UNC13A: variants seen among roughly 807,000 people sequenced by gnomAD.
The protein encoded by UNC13A is unc-13 homolog A, also known as protein unc-13 homolog A.
In UNC13A, 61 loss-of-function variants were observed where a neutral mutation model predicts 219.7. That is an observed-to-expected ratio of 0.28 (90% confidence interval 0.23 to 0.34). UNC13A has a LOEUF of 0.34. UNC13A is among the 10% of genes least tolerant of loss of function. The pLI is 1.00. For synonymous variants in UNC13A, 920 were observed against 884.6 expected, an observed-to-expected ratio of 1.04 and a Z score of -0.71; for missense variants, 1,476 against 2,270.3, an observed-to-expected ratio of 0.65 and a Z score of 7.11.
In UNC13A at chr19:17,617,730, C is replaced by T. The variant is rs2076682874; in HGVS notation, c.4530G>A (p.Lys1510=). The change falls in exon 41 of 44, where the codon AAG becomes AAA. Residue 1510 remains lysine (K), a synonymous_variant. Coordinates refer to ENST00000519716, the MANE Select transcript of UNC13A (RefSeq NM_001080421.3). The part of the protein sequence containing the change: ...LYTQATDLLI[K]TFVQTQSAQG... ...GGGCCGATTGCGTCTGTACAAAGGT[C>T]TTGATTAGCAGGTCGGTGGCCTGCG... 14 of 1,613,970 alleles carry T rather than the reference C, an allele frequency of 8.7e-6. No individual in the cohort carries two copies. The highest frequency in any genetic ancestry group is 1.2e-5 in the Non-Finnish European group (14 of 1,179,868).
At chr19:17,618,300 C>A (rs1040397316) in intron 40 of UNC13A, 121 bp downstream of exon 40, 1 of 1,085,192 alleles carries the variant, frequency 9.2e-7, no homozygotes, top group East Asian at 2.6e-5. Flanking sequence ...GACAGGGGAA[C>A]GAGGGAGTGT....
rs537317565 is a variant in UNC13A at position 17,688,151 on chromosome 19, C to T, written c.22+27G>A. 27 of 1,526,434 alleles carry T rather than the reference C, an allele frequency of 1.8e-5. No homozygotes were observed. In the South Asian group the frequency reaches 2.1e-4, roughly 12 times the overall value. 94.6% of individuals were successfully genotyped at this position (1,526,434 alleles called of 1,614,324 possible). ...GACCCCAGCCCGCGTCCACACGGGT[C>T]CCCCGACCCCCAGCCTCGCCTCCTA... On this transcript the variant is annotated intron_variant, in intron 1 of 43. Transcript: ENST00000519716.
chr19:17,641,569 G>A lies in UNC13A; in HGVS notation c.2473-13C>T, dbSNP rs757237518. 1.9e-6 allele frequency: 3 copies of A among 1,613,734 alleles called. No individual in the cohort carries two copies. The highest frequency in any genetic ancestry group is 3.3e-5 in the Admixed American group (2 of 60,000). On this transcript the variant is annotated splice_polypyrimidine_tract_variant and intron_variant, in intron 20 of 43. Transcript: ENST00000519716. The stretch of plus-strand genomic sequence containing the variant: ...AGTGGAACAGGTTCTGCCACCATGG[G>A]AGAGAAAGTGTCATGGAGAGTGCAA...
At chr19:17,637,684 C>A (rs2145030330) in intron 25 of UNC13A, among the ~76,000 whole-genome samples, 1 of 152,182 alleles carries the variant, frequency 6.6e-6, no homozygotes, top group East Asian at 1.9e-4. Context: ...CTAATTTAAT[C>A]CAGTTCACCT....
At chr19:17,659,160 A>G (rs1453561466) in intron 8 of UNC13A, among the ~76,000 whole-genome samples, 6 of 152,210 alleles carry the variant, frequency 3.9e-5, no homozygotes, top group African/African-American at 1.4e-4. Flanking sequence ...AGTAAAGCAA[A>G]GGCCGGGCAC....
chr19:17,652,966 C>G (rs1473681107), intron 11 of UNC13A, among the ~76,000 whole-genome samples: 2 of 152,174 alleles, frequency 1.3e-5, no homozygotes, highest in African/African-American at 2.4e-5. Context: ...TTCATCTGCT[C>G]TCTTGCCTCG....
intron 28 of UNC13A, among the ~76,000 whole-genome samples, chr19:17,631,153 T>TCC: frequency 1.7e-5 from 1 of 58,148 alleles, no homozygotes; most frequent in Non-Finnish European, 3.6e-5. Context: ...AGCTCTTGTT[T>TCC]TCTCCCTCCC....
chr19:17,675,785 C>T (rs1056298401), intron 2 of UNC13A, among the ~76,000 whole-genome samples: 2 of 152,168 alleles, frequency 1.3e-5, no homozygotes, highest in African/African-American at 4.8e-5. Flanking sequence ...CCACCCCTTA[C>T]AGACTCTCCA....
At chr19:17,683,117 C>T (rs749397313) in intron 1 of UNC13A, among the ~76,000 whole-genome samples, 37 of 152,072 alleles carry the variant, frequency 2.4e-4, no homozygotes, top group Non-Finnish European at 4.4e-4. Context: ...GAACATCACT[C>T]CACAGAAGGG....
chr19:17,632,719 C>A lies in UNC13A; in HGVS notation c.3428+63G>T, dbSNP rs563448015. 87 of 1,610,242 alleles carry A rather than the reference C, an allele frequency of 5.4e-5. No individual in the cohort carries two copies. The African/African-American group carries it at 9.5e-4, about 18-fold the overall frequency. ...TAAGTAGGTCAGTCTTCCTCTCTGGCTTTCCTTCTAGCTGTCAGTGCTACA... is the reference window on the plus strand; with the variant it reads ...TAAGTAGGTCAGTCTTCCTCTCTGGATTTCCTTCTAGCTGTCAGTGCTACA... On this transcript the variant is annotated intron_variant, in intron 28 of 43. Transcript: ENST00000519716.
At chr19:17,608,075 C>G (rs1341391021) in intron 43 of UNC13A, among the ~76,000 whole-genome samples, 1 of 149,082 alleles carries the variant, frequency 6.7e-6, no homozygotes, top group Non-Finnish European at 1.5e-5. Context: ...TTTTTTGAGT[C>G]TCACTCTGTA....
chr19:17,646,469 C>G (rs944177206), intron 17 of UNC13A, among the ~76,000 whole-genome samples: 14 of 152,056 alleles, frequency 9.2e-5, no homozygotes, highest in African/African-American at 2.9e-4. Context: ...TTGGCCAGGT[C>G]GGTCTCGAAT....
chr19:17,617,719 T>C lies in UNC13A; in HGVS notation c.4541A>G (p.Gln1514Arg), dbSNP rs780077802. Residue 1514 changes from glutamine (Q) to arginine (R), a missense_variant, in exon 41 of 44, where the codon CAG (glutamine) becomes CGG (arginine). Gln to Arg is a conservative substitution (Grantham distance 43). Coordinates refer to ENST00000519716, the MANE Select transcript of UNC13A (RefSeq NM_001080421.3). ...ACCCTTACCCTGGGCCGATTGCGTCTGTACAAAGGTCTTGATTAGCAGGTC... is the reference window on the plus strand; with the variant it reads ...ACCCTTACCCTGGGCCGATTGCGTCCGTACAAAGGTCTTGATTAGCAGGTC... ...ATDLLIKTFV[Q>R]TQSAQGLGVE... 6 of 1,613,866 alleles carry C rather than the reference T, an allele frequency of 3.7e-6. No individual in the cohort carries two copies. Among genetic ancestry groups the C allele is most frequent in the East Asian group, 2.2e-5 (1 of 44,868 alleles).
chr19:17,688,328 C>T lies in UNC13A; in HGVS notation c.-129G>A, dbSNP rs2080155112. On this transcript the variant is annotated 5_prime_UTR_variant, in exon 1 of 44. Transcript: ENST00000519716. ...GCTCACGCCGGGGCCCGGCCGCCAC[C>T]GGCCATCTTGGTTCAGCACCGGGGG... is the stretch of plus-strand genomic sequence containing the variant. 30 of 1,308,646 alleles carry T rather than the reference C, an allele frequency of 2.3e-5. No individual in the cohort carries two copies. In the South Asian group the frequency reaches 5.2e-4, roughly 22 times the overall value. 81.1% of individuals were successfully genotyped at this position (1,308,646 alleles called of 1,614,324 possible). A position where few individuals can be genotyped will look rare whatever the true frequency, so the allele number is the denominator to read the frequency against.
chr19:17,686,547 G>T (rs1165080299), intron 1 of UNC13A, among the ~76,000 whole-genome samples: 1 of 151,950 alleles, frequency 6.6e-6, no homozygotes, highest in Non-Finnish European at 1.5e-5. Flanking sequence ...GGCCTAGGCG[G>T]TGGGGGTCGC....
chr19:17,668,595 T>C (rs1216584679), intron 5 of UNC13A, among the ~76,000 whole-genome samples: 2 of 152,148 alleles, frequency 1.3e-5, no homozygotes, highest in Non-Finnish European at 2.9e-5. Context: ...CAAGCGATTC[T>C]CCTGCCTCAG....
intron 39 of UNC13A, among the ~76,000 whole-genome samples, 171 bp from the exon 40 acceptor site, chr19:17,618,672 G>T (rs761776005): frequency 9.2e-5 from 14 of 152,160 alleles, no homozygotes; most frequent in Non-Finnish European, 2.9e-5. Context: ...AAAAAATATT[G>T]GTTGAATAAA....
In UNC13A at chr19:17,627,417, C is replaced by T; in HGVS notation, c.3920+92G>A. The T allele has an allele frequency of 1.0e-6, 1 of 1,001,418 alleles. No homozygotes were observed. The highest frequency in any genetic ancestry group is 1.5e-6 in the Non-Finnish European group (1 of 660,604). The allele number at this position is 1,001,418 out of a possible 1,614,324, so 62.0% of individuals were successfully genotyped here. ...TCTAACTCTGAGCCTGCAATCTTCA[C>T]CTCTACATCTGCTGAGCCTCCAGAT... On this transcript the variant is annotated intron_variant, in intron 33 of 43. Transcript: ENST00000519716. The surrounding 1 kb of genome is among the most constrained non-coding windows in gnomAD (Gnocchi z 4.7).
chr19:17,649,235 A>C lies in UNC13A; in HGVS notation c.1524+104T>G. 6.6e-7 allele frequency: 1 copy of C among 1,517,004 alleles called. No homozygotes were observed. The highest frequency in any genetic ancestry group is 1.2e-5 in the South Asian group (1 of 83,634). 94.0% of individuals were successfully genotyped at this position (1,517,004 alleles called of 1,614,324 possible). Reference sequence around the variant, plus strand: ...CTCACAGCATCCAACACAGTGGGACATGGCAAGGTTCCCCCATAATCCATG... The same window carrying C: ...CTCACAGCATCCAACACAGTGGGACCTGGCAAGGTTCCCCCATAATCCATG... On this transcript the variant is annotated intron_variant, in intron 14 of 43. Transcript: ENST00000519716. The surrounding 1 kb of genome is among the most constrained non-coding windows in gnomAD (Gnocchi z 4.4).
Sources: gnomAD v4.1 joint callset for allele counts (sites outside exome capture counted in the v4.1 genomes callset) on GRCh38, gnomAD v4.1.1 for gene constraint, Gnocchi (gnomAD v3.1) non-coding constraint, MANE v1.5 for transcripts, NCBI Gene and HGNC (gene_info 2026-07-23, HGNC 2026-07-21) for gene names.